Variants in CDH13 observed in about 807,000 individuals in gnomAD.
CDH13 encodes cadherin-13.
Under a neutral mutation model 63.8 loss-of-function variants are expected in CDH13, and 24 were observed. The ratio of observed to expected loss-of-function variants is 0.38; its 90% CI spans 0.27 to 0.53. The LOEUF (loss-of-function observed/expected upper bound fraction) is 0.53. Ranked by LOEUF, CDH13 falls within the 20% of genes least tolerant of loss-of-function variation. CDH13 has a pLI of 0.85. For missense variants in CDH13, 1,049 were observed against 903.1 expected (o/e 1.16, Z -2.07); for synonymous variants, 503 against 355.3 (o/e 1.42, Z -4.67).
intron 3 of CDH13, among the ~76,000 whole-genome samples, chr16:83,055,658 C>G: frequency 6.6e-6 from 1 of 151,862 alleles, no homozygotes; most frequent in East Asian, 1.9e-4. Context: ...ATGGTAAATT[C>G]CACCAAACTT....
chr16:83,411,815 T>C (rs981089051), intron 6 of CDH13, among the ~76,000 whole-genome samples: 1 of 152,190 alleles, frequency 6.6e-6, no homozygotes, highest in Non-Finnish European at 1.5e-5. Context: ...GTATGGAGCA[T>C]CTCATATGTG....
chr16:82,882,521 G>A lies in CDH13; in HGVS notation c.157+24048G>A, dbSNP rs532334486. ...AACCATGGTCACCGCTGCAGGGTAG[G>A]GCTCGATGATCAGAATGTGTTCCTT... is the stretch of plus-strand genomic sequence containing the variant. On this transcript the variant is annotated intron_variant, in intron 2 of 13. Transcript: ENST00000567109. 5.3e-5 allele frequency among the ~76,000 whole-genome samples: 8 copies of A among 152,280 alleles called. No individual in the cohort carries two copies. In the East Asian group the frequency reaches 7.7e-4, roughly 15 times the overall value.
At chr16:82,971,654 C>G (rs943160877) in intron 2 of CDH13, among the ~76,000 whole-genome samples, 1 of 152,202 alleles carries the variant, frequency 6.6e-6, no homozygotes, top group African/African-American at 2.4e-5. Context: ...GATATAAACT[C>G]TTCCCAAATT....
At chr16:83,566,489 C>G (rs1319995083) in intron 7 of CDH13, among the ~76,000 whole-genome samples, 1 of 149,114 alleles carries the variant, frequency 6.7e-6, no homozygotes, top group Admixed American at 6.8e-5. Flanking sequence ...GTTCCTGGCT[C>G]TCAAAGGCAG....
intron 10 of CDH13, among the ~76,000 whole-genome samples, chr16:83,739,008 T>C (rs1911806046): frequency 6.6e-6 from 1 of 152,192 alleles, no homozygotes; most frequent in Non-Finnish European, 1.5e-5. Context: ...TCATGGACTA[T>C]GCAAAAAAGA....
At chr16:83,310,201 T>G (rs564298842) in intron 5 of CDH13, among the ~76,000 whole-genome samples, 76 of 152,294 alleles carry the variant, frequency 5.0e-4, no homozygotes, top group Non-Finnish European at 9.6e-4. Context: ...GTGAAAGTCA[T>G]TTTGAAAGAC....
intron 5 of CDH13, among the ~76,000 whole-genome samples, chr16:83,225,285 G>T (rs17749270): frequency 0.12 from 18,348 of 152,154 alleles, 1,368 homozygotes; most frequent in Non-Finnish European, 0.17. Context: ...CAGTTCTGGT[G>T]GGGTAACATG....
At chr16:83,667,772 C>T (rs180799056) in intron 8 of CDH13, among the ~76,000 whole-genome samples, 5 of 152,140 alleles carry the variant, frequency 3.3e-5, no homozygotes, top group Non-Finnish European at 5.9e-5. Context: ...ATCGTCCCAC[C>T]TCAGCCTCCT....
At chr16:82,663,512 G>A (rs931534270) in intron 1 of CDH13, among the ~76,000 whole-genome samples, 11 of 152,106 alleles carry the variant, frequency 7.2e-5, no homozygotes, top group Non-Finnish European at 1.3e-4. Context: ...ACAGTCCCCT[G>A]TATGTCTCCT....
chr16:83,446,039 C>T (rs189004755), intron 6 of CDH13, among the ~76,000 whole-genome samples: 5 of 152,226 alleles, frequency 3.3e-5, no homozygotes, highest in Admixed American at 2.0e-4. Context: ...TGGCTCAGGT[C>T]TGTAATCCCA....
At chr16:83,421,507 C>G (rs1001583118) in intron 6 of CDH13, among the ~76,000 whole-genome samples, 2 of 152,186 alleles carry the variant, frequency 1.3e-5, no homozygotes, top group African/African-American at 4.8e-5. Flanking sequence ...ACGGCTGATG[C>G]AACTCTAGAC....
chr16:83,416,374 A>C (rs2071550191), intron 6 of CDH13, among the ~76,000 whole-genome samples: 1 of 152,214 alleles, frequency 6.6e-6, no homozygotes, highest in Non-Finnish European at 1.5e-5. Context: ...TTTTTACAGA[A>C]ATAGGAAACT....
At chr16:83,539,899 A>G (rs1726230296) in intron 7 of CDH13, among the ~76,000 whole-genome samples, 1 of 152,182 alleles carries the variant, frequency 6.6e-6, no homozygotes, top group Non-Finnish European at 1.5e-5. Flanking sequence ...TATTAGGGAT[A>G]TCTCCCTGAG....
At chr16:83,384,241 A>T (rs546632157) in intron 6 of CDH13, among the ~76,000 whole-genome samples, 1 of 152,126 alleles carries the variant, frequency 6.6e-6, no homozygotes, top group Non-Finnish European at 1.5e-5. Context: ...CTACTAATTG[A>T]TTTGATGAAA....
At chr16:83,284,086 G>T (rs1455109762) in intron 5 of CDH13, among the ~76,000 whole-genome samples, 2 of 152,194 alleles carry the variant, frequency 1.3e-5, no homozygotes, top group Non-Finnish European at 2.9e-5. Flanking sequence ...AAACACAGTA[G>T]TTAGCTTCAC....
intron 1 of CDH13, among the ~76,000 whole-genome samples, chr16:82,818,140 T>TGTGTG (rs2037817050): frequency 7.4e-6 from 1 of 134,356 alleles, no homozygotes; most frequent in African/African-American, 3.1e-5. Context: ...GTGTGTGTGT[T>TGTGTG]TTGGGAAGAC....
chr16:83,048,884 G>T (rs2029951733), intron 3 of CDH13, among the ~76,000 whole-genome samples: 1 of 151,978 alleles, frequency 6.6e-6, no homozygotes, highest in Admixed American at 6.6e-5. Context: ...CCCTTCCCCA[G>T]TCTTGTTGAA....
intron 6 of CDH13, among the ~76,000 whole-genome samples, chr16:83,394,636 G>C (rs2091850734): frequency 6.6e-6 from 1 of 152,180 alleles, no homozygotes; most frequent in Non-Finnish European, 1.5e-5. Flanking sequence ...GACATGACCT[G>C]ACTTGCATTT....
At chr16:83,099,550 C>G (rs955914251) in intron 3 of CDH13, among the ~76,000 whole-genome samples, 5 of 134,898 alleles carry the variant, frequency 3.7e-5, no homozygotes, top group African/African-American at 1.3e-4. Context: ...TCTCGAAGTC[C>G]TAACCTCATG....
Sources: gnomAD v4.1 joint callset for allele counts (sites outside exome capture counted in the v4.1 genomes callset) on GRCh38, gnomAD v4.1.1 for gene constraint, MANE v1.5 for transcripts, NCBI Gene and HGNC (gene_info 2026-07-23, HGNC 2026-07-21) for gene names.